The following SUFU variants were observed in gnomAD, a reference collection of about 807,000 sequenced individuals.
SUFU encodes SUFU negative regulator of hedgehog signaling.
Under a neutral mutation model 58.9 loss-of-function variants are expected in SUFU, and 7 were observed. The ratio of observed to expected loss-of-function variants is 0.12; its 90% CI spans 0.07 to 0.22. The LOEUF (loss-of-function observed/expected upper bound fraction) is 0.22. Among genes scored for constraint, SUFU ranks in the 10% least tolerant of loss-of-function variants. The pLI is 1.00. For missense variants in SUFU, 451 were observed against 641.3 expected (o/e 0.70, Z 3.20); for synonymous variants, 232 against 254.8 (o/e 0.91, Z 0.85).
At chr10:102,530,564 A>C (rs1299637532) in intron 2 of SUFU, among the ~76,000 whole-genome samples, 1 of 150,030 alleles carries the variant, frequency 6.7e-6, no homozygotes, top group Admixed American at 6.7e-5. Flanking sequence ...AGTGGTCCTC[A>C]TGCCTCAGCC....
At chr10:102,600,054 G>T (rs1194730357) in intron 8 of SUFU, among the ~76,000 whole-genome samples, 2 of 152,142 alleles carry the variant, frequency 1.3e-5, no homozygotes, top group Non-Finnish European at 2.9e-5. Flanking sequence ...GAAGTCTTTT[G>T]CAGGCCTCTG....
chr10:102,523,693 C>T (rs568896597), intron 2 of SUFU, among the ~76,000 whole-genome samples: 2 of 152,308 alleles, frequency 1.3e-5, no homozygotes. Context: ...TTCCTGTAAC[C>T]AGTGGTTTTG....
chr10:102,580,684 T>C lies in SUFU; in HGVS notation c.455-11898T>C, dbSNP rs2063267744. On this transcript the variant is annotated intron_variant, in intron 3 of 11. Transcript: ENST00000369902. ...GAGGGAGAATTTGCCTGGAGGAGGC[T>C]CTGTGTCTTCCTGAGGGCAGTGCCC... Among the ~76,000 whole-genome samples, 4 of 152,146 alleles carry C rather than the reference T, an allele frequency of 2.6e-5. No individual in the cohort carries two copies. The South Asian group carries it at 8.3e-4, about 32-fold the overall frequency.
chr10:102,518,935 C>G (rs184032328), intron 2 of SUFU, among the ~76,000 whole-genome samples: 1 of 150,260 alleles, frequency 6.7e-6, no homozygotes, highest in Admixed American at 6.6e-5. Context: ...GTCAGGAGAT[C>G]GAGACCATCC....
In SUFU at chr10:102,504,222, C is replaced by A. The variant is rs1219870817; in HGVS notation, c.70C>A (p.Pro24Thr). Residue 24 changes from proline (P) to threonine (T), a missense_variant, in exon 1 of 12, where the codon CCG becomes ACG. Coordinates refer to ENST00000369902, the MANE Select transcript of SUFU (RefSeq NM_016169.4). ...CCCGGCCCCTGGCCCGACTGCCCCCCCGGCCTTCGCTTCGCTCTTTCCCCC... is the reference window on the plus strand; with the variant it reads ...CCCGGCCCCTGGCCCGACTGCCCCCACGGCCTTCGCTTCGCTCTTTCCCCC... ...APPAPGPTAP[P>T]AFASLFPPGL... 2 of 1,611,738 alleles carry A rather than the reference C, an allele frequency of 1.2e-6. No individual in the cohort carries two copies. Among genetic ancestry groups the A allele is most frequent in the Admixed American group, 1.7e-5 (1 of 59,938 alleles).
chr10:102,525,152 C>A (rs2062595777), intron 2 of SUFU, among the ~76,000 whole-genome samples: 1 of 152,002 alleles, frequency 6.6e-6, no homozygotes, highest in South Asian at 2.1e-4. Context: ...TCTCTGTCGC[C>A]CAGGCTGGAG....
intron 9 of SUFU, among the ~76,000 whole-genome samples, chr10:102,616,926 C>T (rs1412038088): frequency 2.0e-5 from 3 of 152,186 alleles, no homozygotes; most frequent in Non-Finnish European, 4.4e-5. Flanking sequence ...GGGGATGTGA[C>T]CCCCCTCTTA....
chr10:102,580,029 A>AACC (rs2063257845), intron 3 of SUFU, among the ~76,000 whole-genome samples: 1 of 84,664 alleles, frequency 1.2e-5, no homozygotes, highest in African/African-American at 4.3e-5. Context: ...CCTCCCCCGC[A>AACC]CCCCCCCCCC....
At chr10:102,525,789 C>T (rs1241918429) in intron 2 of SUFU, among the ~76,000 whole-genome samples, 1 of 152,180 alleles carries the variant, frequency 6.6e-6, no homozygotes, top group African/African-American at 2.4e-5. Context: ...CATGCATGAG[C>T]CACTGCACCT....
intron 3 of SUFU, among the ~76,000 whole-genome samples, chr10:102,568,962 A>ATATATC (rs1409831622): frequency 2.5e-4 from 20 of 80,882 alleles, no homozygotes; most frequent in Non-Finnish European, 2.8e-4. Flanking sequence ...ATATATATAT[A>ATATATC]TCTATAGCAG....
chr10:102,576,613 T>C (rs572838901), intron 3 of SUFU, among the ~76,000 whole-genome samples: 9 of 152,312 alleles, frequency 5.9e-5, no homozygotes, highest in Admixed American at 4.6e-4. Context: ...AGTAGAATGA[T>C]TGGGTCAAAG....
chr10:102,554,182 C>T (rs928878160), intron 3 of SUFU, among the ~76,000 whole-genome samples: 6 of 152,256 alleles, frequency 3.9e-5, no homozygotes, highest in Admixed American at 3.3e-4. Flanking sequence ...GTGGTTGGAT[C>T]ACCTGAGGTC....
chr10:102,529,951 A>G (rs1448103040), intron 2 of SUFU, among the ~76,000 whole-genome samples: 3 of 151,816 alleles, frequency 2.0e-5, no homozygotes, highest in Non-Finnish European at 1.5e-5. Flanking sequence ...CTCAAAAAAA[A>G]AAAAAGAAAA....
chr10:102,560,075 A>G (rs997707636), intron 3 of SUFU, among the ~76,000 whole-genome samples: 6 of 152,200 alleles, frequency 3.9e-5, no homozygotes, highest in Admixed American at 1.3e-4. Flanking sequence ...TCTAATGCTA[A>G]CAGAGATTTT....
rs565472564 is a variant in SUFU, at chr10:102,517,149, A to C, written c.317+7846A>C. 1.4e-3 allele frequency among the ~76,000 whole-genome samples: 209 copies of C among 151,760 alleles called. 1 individual carries two copies. Among genetic ancestry groups the C allele is most frequent in the African/African-American group, 4.9e-3 (202 of 41,436 alleles). ...AAAAAAAAAAAAAAATTAGCTGGGC[A>C]TGGTGGCACACACCTGTAAACCAAG... On this transcript the variant is annotated intron_variant, in intron 2 of 11. Coordinates refer to ENST00000369902, the MANE Select transcript of SUFU (RefSeq NM_016169.4).
In SUFU at chr10:102,631,409, C is replaced by G. The variant is rs1361302644; in HGVS notation, c.*1254C>G. ...GATCTCACAGTTTGCCTTCCAGAAG[C>G]CAGCCTATCTCTAGCCCATGGTTTT... On this transcript the variant is annotated 3_prime_UTR_variant, in exon 12 of 12. Coordinates refer to ENST00000369902, the MANE Select transcript of SUFU (RefSeq NM_016169.4). 3.9e-5 allele frequency: 9 copies of G among 233,592 alleles called. No individual in the cohort carries two copies. In the East Asian group the frequency reaches 5.4e-4, roughly 14 times the overall value. 14.5% of individuals were successfully genotyped at this position (233,592 alleles called of 1,614,324 possible).
At chr10:102,572,213 C>T (rs962334171) in intron 3 of SUFU, among the ~76,000 whole-genome samples, 5 of 150,148 alleles carry the variant, frequency 3.3e-5, no homozygotes, top group African/African-American at 4.9e-5. Flanking sequence ...TTACAGGCAC[C>T]GGCCACCACG....
At chr10:102,622,116 CT>C (rs2063744470) in intron 10 of SUFU, among the ~76,000 whole-genome samples, 2 of 152,326 alleles carry the variant, frequency 1.3e-5, no homozygotes, top group Admixed American at 1.3e-4. Flanking sequence ...CCAAGCCCCC[CT>C]CCCTGGCCAA....
At chr10:102,594,437 C>T (rs1477915481) in intron 6 of SUFU, among the ~76,000 whole-genome samples, 1 of 152,140 alleles carries the variant, frequency 6.6e-6, no homozygotes, top group Non-Finnish European at 1.5e-5. Flanking sequence ...CGGCCACCAC[C>T]GCCCTGTACC....
Sources: gnomAD v4.1 joint callset for allele counts (sites outside exome capture counted in the v4.1 genomes callset) on GRCh38, gnomAD v4.1.1 for gene constraint, MANE v1.5 for transcripts, NCBI Gene and HGNC (gene_info 2026-07-23, HGNC 2026-07-21) for gene names.